Variants in ZMAT4 observed in about 807,000 individuals in gnomAD.
The protein encoded by ZMAT4 is zinc finger matrin-type 4.
In ZMAT4, 17 loss-of-function variants were observed where a neutral mutation model predicts 28.7. The observed-to-expected ratio is 0.59, with a 90% CI of 0.41 to 0.89. The LOEUF (loss-of-function observed/expected upper bound fraction) is 0.89. ZMAT4 is among the 40% of genes least tolerant of loss of function. The pLI is 0.00. For missense variants in ZMAT4, 240 were observed against 283.8 expected, an observed-to-expected ratio of 0.85 and a Z score of 1.11; for synonymous variants, 117 against 109.2, an observed-to-expected ratio of 1.07 and a Z score of -0.44.
At chr8:40,710,605 C>T (rs1381059916) in intron 3 of ZMAT4, among the ~76,000 whole-genome samples, 1 of 151,516 alleles carries the variant, frequency 6.6e-6, no homozygotes, top group Admixed American at 6.6e-5. Flanking sequence ...AAAAGAAACC[C>T]AGCCTTTTGT....
intron 2 of ZMAT4, among the ~76,000 whole-genome samples, chr8:40,792,256 T>C (rs933122518): frequency 6.6e-6 from 1 of 151,972 alleles, no homozygotes; most frequent in Non-Finnish European, 1.5e-5. Context: ...TTCATATGGT[T>C]CAACCTTATT....
At chr8:40,674,465 T>A (rs1808822525) in intron 5 of ZMAT4, 2 of 485,266 alleles carry the variant, frequency 4.1e-6, no homozygotes, top group South Asian at 6.1e-5. Flanking sequence ...TGAATGTGCC[T>A]TTGGTCTGAA....
chr8:40,801,842 C>A lies in ZMAT4; in HGVS notation c.102+23733G>T, dbSNP rs1814863640. Among the ~76,000 whole-genome samples the A allele has an allele frequency of 2.0e-5, 3 of 151,978 alleles. No homozygotes were observed. The South Asian group carries it at 6.2e-4, about 32-fold the overall frequency. On this transcript the variant is annotated intron_variant, in intron 2 of 6. Transcript: ENST00000297737. Reference sequence around the variant, plus strand: ...GCAAAATTTTCCAACAAAATATTAGCAAATTAAATCCAACAATGTACAAAA... The same window carrying A: ...GCAAAATTTTCCAACAAAATATTAGAAAATTAAATCCAACAATGTACAAAA...
At chr8:40,655,708 A>C (rs1032702043) in intron 5 of ZMAT4, among the ~76,000 whole-genome samples, 14 of 152,094 alleles carry the variant, frequency 9.2e-5, no homozygotes, top group African/African-American at 3.4e-4. Flanking sequence ...GCAATAAGAG[A>C]AGTCTTTTCA....
intron 3 of ZMAT4, among the ~76,000 whole-genome samples, chr8:40,745,833 A>T (rs145723580): frequency 6.6e-6 from 1 of 152,286 alleles, no homozygotes; most frequent in East Asian, 1.9e-4. Flanking sequence ...TCCTCTCTTG[A>T]GGAAACAAAA....
chr8:40,669,389 A>C (rs1348981195), intron 5 of ZMAT4, among the ~76,000 whole-genome samples: 1 of 152,160 alleles, frequency 6.6e-6, no homozygotes, highest in African/African-American at 2.4e-5. Context: ...GAAATAAAAA[A>C]GCAAAAAAGT....
chr8:40,686,838 G>A (rs1262678211), intron 4 of ZMAT4, among the ~76,000 whole-genome samples: 1 of 152,126 alleles, frequency 6.6e-6, no homozygotes, highest in Non-Finnish European at 1.5e-5. Context: ...AGGATTAAAA[G>A]TGTCTGTTTG....
chr8:40,743,828 A>T (rs973395758), intron 3 of ZMAT4, among the ~76,000 whole-genome samples: 2 of 152,092 alleles, frequency 1.3e-5, no homozygotes, highest in African/African-American at 4.8e-5. Flanking sequence ...GGACAGGGGC[A>T]CGGAGAAGGA....
chr8:40,866,320 A>C (rs1440436811), intron 1 of ZMAT4, among the ~76,000 whole-genome samples: 1 of 152,212 alleles, frequency 6.6e-6, no homozygotes, highest in East Asian at 1.9e-4. Context: ...CAGGGCTGGC[A>C]CTGGGACGCC....
rs546622327 is a variant in ZMAT4, at chr8:40,834,780, T to C, written c.-4-9100A>G. On this transcript the variant is annotated intron_variant, in intron 1 of 6. Coordinates refer to ENST00000297737, the MANE Select transcript of ZMAT4 (RefSeq NM_024645.3). ...AACATCTCCTTACCCTGTAGGTCCT[T>C]GCTAAGGCTCCAGTACTGTACCTTT... 3.9e-5 allele frequency among the ~76,000 whole-genome samples: 6 copies of C among 152,304 alleles called. No individual in the cohort carries two copies. The East Asian group carries it at 1.2e-3, about 30-fold the overall frequency.
At chr8:40,611,419 C>T (rs1052531274) in intron 5 of ZMAT4, among the ~76,000 whole-genome samples, 4 of 152,060 alleles carry the variant, frequency 2.6e-5, no homozygotes, top group Non-Finnish European at 5.9e-5. Flanking sequence ...CTGCTCACTG[C>T]AAGCTCCGCC....
chr8:40,587,223 CA>C (rs1158309590), intron 5 of ZMAT4, among the ~76,000 whole-genome samples: 1 of 151,334 alleles, frequency 6.6e-6, no homozygotes, highest in African/African-American at 2.4e-5. Context: ...TCTCAAGGAA[CA>C]AAAATAAAAT....
At chr8:40,642,355 C>A (rs1807072588) in intron 5 of ZMAT4, among the ~76,000 whole-genome samples, 2 of 152,088 alleles carry the variant, frequency 1.3e-5, no homozygotes, top group African/African-American at 4.8e-5. Context: ...TTATCAAGGG[C>A]AAAGAGTAGG....
At chr8:40,680,953 G>A (rs538915977) in intron 4 of ZMAT4, among the ~76,000 whole-genome samples, 1 of 152,276 alleles carries the variant, frequency 6.6e-6, no homozygotes, top group South Asian at 2.1e-4. Context: ...TTTAAAGTAT[G>A]TGGTTTCTCT....
intron 3 of ZMAT4, among the ~76,000 whole-genome samples, chr8:40,728,511 T>C (rs906249301): frequency 6.6e-6 from 1 of 152,172 alleles, no homozygotes; most frequent in Non-Finnish European, 1.5e-5. Context: ...TTGTGTGCCA[T>C]TGTAGGATGC....
intron 1 of ZMAT4, among the ~76,000 whole-genome samples, chr8:40,892,252 A>G (rs1419200069): frequency 6.6e-6 from 1 of 152,178 alleles, no homozygotes; most frequent in Non-Finnish European, 1.5e-5. Flanking sequence ...CCTTCATAAG[A>G]TTCAGATTAA....
At chr8:40,585,804 C>T (rs758153660) in intron 5 of ZMAT4, among the ~76,000 whole-genome samples, 1 of 152,124 alleles carries the variant, frequency 6.6e-6, no homozygotes, top group Non-Finnish European at 1.5e-5. Flanking sequence ...TTTATTTCTT[C>T]CAGAGTTCTC....
At chr8:40,796,692 G>T (rs1814614596) in intron 2 of ZMAT4, among the ~76,000 whole-genome samples, 2 of 152,234 alleles carry the variant, frequency 1.3e-5, no homozygotes, top group South Asian at 4.1e-4. Context: ...CTGGAGAGGT[G>T]AAGGTGCCTG....
intron 2 of ZMAT4, among the ~76,000 whole-genome samples, chr8:40,776,589 G>A (rs1012496737): frequency 1.1e-4 from 16 of 152,136 alleles, no homozygotes; most frequent in Admixed American, 5.2e-4. Flanking sequence ...AAGAACACAG[G>A]CTCATCTAGG....
Sources: allele counts gnomAD v4.1 joint callset (sites outside exome capture counted in the v4.1 genomes callset), GRCh38; gene constraint gnomAD v4.1.1; transcripts MANE v1.5; gene names NCBI Gene and HGNC (gene_info 2026-07-23, HGNC 2026-07-21).